EFCC1: variants seen among roughly 807,000 people sequenced by gnomAD.
The protein encoded by EFCC1 is EF-hand and coiled-coil domain containing 1.
Under a neutral mutation model 52.1 loss-of-function variants are expected in EFCC1, and 50 were observed. That is an observed-to-expected ratio of 0.96 (90% CI 0.76 to 1.21). EFCC1 has a LOEUF of 1.21. Among genes scored for constraint, EFCC1 ranks in the 50% most tolerant of loss-of-function variants. The probability of loss-of-function intolerance (pLI) is 0.00; values close to 1 mark genes in which losing one functional copy is unlikely to be tolerated. For missense variants in EFCC1, 837 were observed against 867.3 expected, an observed-to-expected ratio of 0.97 and a Z score of 0.44; for synonymous variants, 399 against 396.5, an observed-to-expected ratio of 1.01 and a Z score of -0.08.
rs1403288654 is a variant in EFCC1 at position 129,001,888 on chromosome 3, G to C, written c.260G>C (p.Gly87Ala). The C allele has an allele frequency of 3.2e-6, 5 of 1,540,032 alleles. No individual in the cohort carries two copies. The South Asian group carries it at 6.0e-5, about 19-fold the overall frequency. ...ADFRALCAVLGLRAEGATTAG... is the reference protein window; with the variant it reads ...ADFRALCAVLALRAEGATTAG... ...TTCCGAGCGCTCTGCGCTGTGCTGGGGCTGCGCGCGGAGGGGGCCACCACG... is the reference window on the plus strand; with the variant it reads ...TTCCGAGCGCTCTGCGCTGTGCTGGCGCTGCGCGCGGAGGGGGCCACCACG... Residue 87 changes from glycine to alanine, a missense_variant, in exon 1 of 8, where the codon GGG (glycine) becomes GCG (alanine). Transcript: ENST00000683648.
intron 2 of EFCC1, among the ~76,000 whole-genome samples, chr3:129,029,184 G>A (rs1946216519): frequency 6.6e-6 from 1 of 152,208 alleles, no homozygotes; most frequent in Non-Finnish European, 1.5e-5. Context: ...TTGTTACGAC[G>A]AGATGGATGA....
Position 129,001,603 on chromosome 3 carries a change from G to C in EFCC1, c.-26G>C. ...GGGCGAAGGGACCGGAGGAGGGACC[G>C]GAGGAGCGAGGCGCGCGGCGCAGCG... On this transcript the variant is annotated 5_prime_UTR_variant, in exon 1 of 8. Coordinates refer to ENST00000683648, the MANE Select transcript of EFCC1 (RefSeq NM_001377500.1). The C allele has an allele frequency of 2.1e-5, 29 of 1,355,012 alleles. No homozygotes were observed. The highest frequency in any genetic ancestry group is 2.6e-5 in the Non-Finnish European group (28 of 1,060,474). The allele number at this position is 1,355,012 out of a possible 1,614,324, so 83.9% of individuals were successfully genotyped here. A position where few individuals can be genotyped will look rare whatever the true frequency, so the allele number is the denominator to read the frequency against.
At chr3:129,031,200 C>T (rs1476108074) in intron 3 of EFCC1, among the ~76,000 whole-genome samples, 1 of 152,160 alleles carries the variant, frequency 6.6e-6, no homozygotes, top group Non-Finnish European at 1.5e-5. Context: ...GAGGCTGAGG[C>T]GGGTAGACTG....
intron 2 of EFCC1, among the ~76,000 whole-genome samples, chr3:129,015,848 A>G (rs1945558407): frequency 6.7e-6 from 1 of 149,092 alleles, no homozygotes; most frequent in South Asian, 2.1e-4. Context: ...TGTTTCCTGT[A>G]AGGCTGCTTC....
At chr3:129,006,220 G>C (rs1441891099) in intron 2 of EFCC1, among the ~76,000 whole-genome samples, 2 of 152,232 alleles carry the variant, frequency 1.3e-5, no homozygotes, top group Admixed American at 1.3e-4. Flanking sequence ...GATGGCTGCT[G>C]TGCCTCCAGA....
chr3:129,006,685 G>A (rs1015833997), intron 2 of EFCC1, among the ~76,000 whole-genome samples: 1 of 152,206 alleles, frequency 6.6e-6, no homozygotes, highest in African/African-American at 2.4e-5. Flanking sequence ...AAAACACCTA[G>A]TGATGAGGAA....
Position 129,030,721 on chromosome 3 carries a change from C to T in EFCC1, c.999C>T (p.Leu333=), listed in dbSNP as rs1010803117. 6.4e-7 allele frequency: 1 copy of T among 1,551,538 alleles called. No homozygotes were observed. The highest frequency in any genetic ancestry group is 1.4e-5 in the African/African-American group (1 of 73,110). ...GCTGCAGGTCAGAGGATTCCCAGCT[C>T]CCAACCCCGCAGCTAGCCAACCCAG... ...LQRYRSEDSQ[L]PTPQLANPEP... Residue 333 remains leucine, a synonymous_variant, in exon 3 of 8, where the codon CTC becomes CTT. Coordinates refer to ENST00000683648, the MANE Select transcript of EFCC1 (RefSeq NM_001377500.1).
In EFCC1 at chr3:129,010,561, G is replaced by A. The variant is rs1411146646; in HGVS notation, c.980+6484G>A. ...ACGGCAATTGGCTGGCCACCGTGGA[G>A]GGGACACAAAGATGAGGCCATCTGA... On this transcript the variant is annotated intron_variant, in intron 2 of 7. Transcript: ENST00000683648. The surrounding 1 kb of genome is among the most constrained non-coding windows in gnomAD (Gnocchi z 4.3). Among the ~76,000 whole-genome samples, 1 of 152,170 alleles carries A rather than the reference G, an allele frequency of 6.6e-6. No homozygotes were observed. Among genetic ancestry groups the A allele is most frequent in the East Asian group, 1.9e-4 (1 of 5,180 alleles).
rs530314755 is a variant in EFCC1 at position 129,001,524 on chromosome 3, C to A, written c.-105C>A. 15 of 1,331,826 alleles carry A rather than the reference C, an allele frequency of 1.1e-5. 1 individual carries two copies. The South Asian group carries it at 3.0e-4, about 27-fold the overall frequency. 82.5% of individuals were successfully genotyped at this position (1,331,826 alleles called of 1,614,324 possible). A position where few individuals can be genotyped will look rare whatever the true frequency, so the allele number is the denominator to read the frequency against. On this transcript the variant is annotated 5_prime_UTR_variant, in exon 1 of 8. Coordinates refer to ENST00000683648, the MANE Select transcript of EFCC1 (RefSeq NM_001377500.1). The stretch of plus-strand genomic sequence containing the variant: ...CCCCGGCGCCGCTCCAACCAGACCG[C>A]GACCGCTAAGCCCCTCCTTTCGAGA...
chr3:129,002,154 C>G lies in EFCC1; in HGVS notation c.526C>G (p.Leu176Val), dbSNP rs760546571. ...LSEHIETQIR[L>V]RRPRRRRRPP... The stretch of plus-strand genomic sequence containing the variant: ...CGAGCACATCGAGACGCAGATCCGC[C>G]TGCGCCGTCCGCGCCGCCGCCGCCG... The change falls in exon 1 of 8, where the codon CTG (leucine) becomes GTG (valine). Residue 176 changes from leucine (L) to valine (V), a missense_variant. Coordinates refer to ENST00000683648, the MANE Select transcript of EFCC1 (RefSeq NM_001377500.1). 40 of 1,471,142 alleles carry G rather than the reference C, an allele frequency of 2.7e-5. No individual in the cohort carries two copies. The South Asian group carries it at 5.4e-4, about 20-fold the overall frequency. The allele number at this position is 1,471,142 out of a possible 1,614,324, so 91.1% of individuals were successfully genotyped here. A position where few individuals can be genotyped will look rare whatever the true frequency, so the allele number is the denominator to read the frequency against.
chr3:129,001,628 G>T lies in EFCC1; in HGVS notation c.-1G>T, dbSNP rs1316741781. On this transcript the variant is annotated 5_prime_UTR_variant, in exon 1 of 8. Coordinates refer to ENST00000683648, the MANE Select transcript of EFCC1 (RefSeq NM_001377500.1). ...GGAGGAGCGAGGCGCGCGGCGCAGC[G>T]ATGGAGCCGGTCAGCACGGGCGCGG... 92 of 1,358,472 alleles carry T rather than the reference G, an allele frequency of 6.8e-5. No individual in the cohort carries two copies. The highest frequency in any genetic ancestry group is 8.7e-5 in the Non-Finnish European group (92 of 1,060,666). The allele number at this position is 1,358,472 out of a possible 1,614,324, so 84.2% of individuals were successfully genotyped here. A position where few individuals can be genotyped will look rare whatever the true frequency, so the allele number is the denominator to read the frequency against.
chr3:129,002,592 C>A, intron 1 of EFCC1: 1 of 545,638 alleles, frequency 1.8e-6, no homozygotes, highest in Non-Finnish European at 2.9e-6. Flanking sequence ...TCTGCTCCAC[C>A]GCCACATCAT....
At chr3:129,002,807 C>CT (rs1300234999) in intron 1 of EFCC1, 1 of 157,644 alleles carries the variant, frequency 6.3e-6, no homozygotes, top group Admixed American at 6.5e-5. Flanking sequence ...TCAGCAAAGA[C>CT]TTATGGGGCT....
intron 2 of EFCC1, among the ~76,000 whole-genome samples, chr3:129,024,540 G>GAA (rs112647641): frequency 7.3e-6 from 1 of 136,376 alleles, no homozygotes; most frequent in Non-Finnish European, 1.6e-5. Flanking sequence ...CAAAAAAAAA[G>GAA]AAAAAAAAAA....
At chr3:129,015,825 A>C (rs1355077263) in intron 2 of EFCC1, among the ~76,000 whole-genome samples, 3 of 142,740 alleles carry the variant, frequency 2.1e-5, no homozygotes, top group Admixed American at 7.3e-5. Flanking sequence ...TCTTGTTTTC[A>C]CATGTTGCTC....
intron 2 of EFCC1, among the ~76,000 whole-genome samples, chr3:129,020,645 A>C (rs903115111): frequency 6.6e-6 from 1 of 152,170 alleles, no homozygotes; most frequent in Non-Finnish European, 1.5e-5. Flanking sequence ...TCAATAAATA[A>C]ATAATAAAAT....
At chr3:129,009,457 G>A (rs1945221337) in intron 2 of EFCC1, among the ~76,000 whole-genome samples, 1 of 152,186 alleles carries the variant, frequency 6.6e-6, no homozygotes, top group Non-Finnish European at 1.5e-5. Context: ...TCTGTCATCT[G>A]AACCATCCCA....
At position 129,030,733 on chromosome 3, in the gene EFCC1, G is replaced by A. The variant is rs1003379163; in HGVS notation, c.1011G>A (p.Gln337=). The A allele has an allele frequency of 8.4e-6, 13 of 1,551,476 alleles. No individual in the cohort carries two copies. The highest frequency in any genetic ancestry group is 1.7e-4 in the Middle Eastern group (1 of 6,012). The part of the protein sequence containing the change: ...RSEDSQLPTP[Q]LANPEPGDKS... ...AGGATTCCCAGCTCCCAACCCCGCA[G>A]CTAGCCAACCCAGAGCCAGGAGACA... Residue 337 remains glutamine (Q), a synonymous_variant, in exon 3 of 8, where the codon CAG becomes CAA. Transcript: ENST00000683648.
At chr3:129,027,623 A>T (rs1298882247) in intron 2 of EFCC1, among the ~76,000 whole-genome samples, 1 of 152,170 alleles carries the variant, frequency 6.6e-6, no homozygotes, top group African/African-American at 2.4e-5. Context: ...ATATTTGGTC[A>T]TAGGAAGTCC....
Sources: gnomAD v4.1 joint callset for allele counts (sites outside exome capture counted in the v4.1 genomes callset) on GRCh38, gnomAD v4.1.1 for gene constraint, Gnocchi (gnomAD v3.1) non-coding constraint, MANE v1.5 for transcripts, NCBI Gene and HGNC (gene_info 2026-07-23, HGNC 2026-07-21) for gene names.